MAP3K1: variants seen among roughly 807,000 people sequenced by gnomAD.
MAP3K1 encodes the protein mitogen-activated protein kinase kinase kinase 1.
MAP3K1 carries 36 observed loss-of-function variants against 144.2 expected under a neutral mutation model. That is an observed-to-expected ratio of 0.25 (90% CI 0.19 to 0.33). The LOEUF is 0.33. Ranked by LOEUF, MAP3K1 falls within the 10% of genes least tolerant of loss-of-function variation. The pLI is 1.00. For missense variants in MAP3K1, 1,650 were observed against 1,881.9 expected (o/e 0.88, Z 2.28); for synonymous variants, 718 against 688.7 (o/e 1.04, Z -0.67).
chr5:56,839,191 C>T (rs1383750134), intron 1 of MAP3K1, among the ~76,000 whole-genome samples: 1 of 152,182 alleles, frequency 6.6e-6, no homozygotes, highest in Non-Finnish European at 1.5e-5. Flanking sequence ...AGGTTGAGTA[C>T]ATGAACAGCA....
intron 1 of MAP3K1, among the ~76,000 whole-genome samples, chr5:56,822,231 G>C (rs1271549417): frequency 6.6e-6 from 1 of 151,982 alleles, no homozygotes; most frequent in Non-Finnish European, 1.5e-5. Flanking sequence ...CACCATGTTG[G>C]CCAGGCTGGT....
chr5:56,817,066 GC>G, intron 1 of MAP3K1: 6 of 985,422 alleles, frequency 6.1e-6, no homozygotes, highest in Non-Finnish European at 6.0e-6. Flanking sequence ...AGTGCGGTGG[GC>G]TTCGGCTCAG....
At chr5:56,891,149 C>G (rs758411420) in intron 19 of MAP3K1, among the ~76,000 whole-genome samples, 343 of 7,492 alleles carry the variant, frequency 0.046, no homozygotes, top group Non-Finnish European at 0.14. Context: ...CACACACACA[C>G]CCCCCCCCCC....
rs1340170744 is a variant in MAP3K1, at chr5:56,859,735, T to C, written c.654T>C (p.Val218=). ...TTCAGGTGGTAAAACCAATCCCAGTTAAAGGAGATGGATCTGAAATGAATC... is the reference window on the plus strand; with the variant it reads ...TTCAGGTGGTAAAACCAATCCCAGTCAAAGGAGATGGATCTGAAATGAATC... ...RGPVVVKPIP[V]KGDGSEMNHL... Residue 218 remains valine (V), a synonymous_variant, in exon 3 of 20, where the codon GTT becomes GTC. Transcript: ENST00000399503. 8 of 1,613,828 alleles carry C rather than the reference T, an allele frequency of 5.0e-6. No homozygotes were observed. Among genetic ancestry groups the C allele is most frequent in the Non-Finnish European group, 5.9e-6 (7 of 1,179,954 alleles).
chr5:56,830,400 T>A (rs1746450596), intron 1 of MAP3K1, among the ~76,000 whole-genome samples: 1 of 152,134 alleles, frequency 6.6e-6, no homozygotes, highest in South Asian at 2.1e-4. Context: ...CCTCTCTCTT[T>A]CTTAAACACA....
intron 1 of MAP3K1, among the ~76,000 whole-genome samples, chr5:56,832,199 C>T (rs1463749478): frequency 1.3e-5 from 2 of 151,960 alleles, no homozygotes; most frequent in Non-Finnish European, 2.9e-5. Flanking sequence ...AAAAACCTAC[C>T]CTTTCAGAAG....
At chr5:56,862,527 C>T (rs1471510864) in intron 3 of MAP3K1, among the ~76,000 whole-genome samples, 1 of 152,142 alleles carries the variant, frequency 6.6e-6, no homozygotes, top group Non-Finnish European at 1.5e-5. Context: ...GACAAAGTTA[C>T]CCCTCATTCT....
chr5:56,851,569 T>C (rs1251809470), intron 1 of MAP3K1, among the ~76,000 whole-genome samples: 1 of 152,164 alleles, frequency 6.6e-6, no homozygotes, highest in African/African-American at 2.4e-5. Context: ...CTCTCTCTTC[T>C]CCCTTATTTC....
chr5:56,890,128 T>C (rs1748505348), intron 19 of MAP3K1, among the ~76,000 whole-genome samples: 1 of 152,224 alleles, frequency 6.6e-6, no homozygotes, highest in South Asian at 2.1e-4. Context: ...GTTCCTATCT[T>C]GCTGCCTCTT....
intron 19 of MAP3K1, among the ~76,000 whole-genome samples, chr5:56,889,980 G>A (rs1748500273): frequency 6.6e-6 from 1 of 151,998 alleles, no homozygotes; most frequent in Admixed American, 6.6e-5. Flanking sequence ...TTCTCTACGT[G>A]GTTCAAATTC....
chr5:56,832,719 AATT>A (rs1385342883), intron 1 of MAP3K1, among the ~76,000 whole-genome samples: 5 of 152,168 alleles, frequency 3.3e-5, no homozygotes, highest in Admixed American at 3.3e-4. Flanking sequence ...ATCTTGGAAA[AATT>A]ATTCATTTCT....
intron 6 of MAP3K1, among the ~76,000 whole-genome samples, chr5:56,866,871 C>T (rs995351826): frequency 6.6e-6 from 1 of 152,074 alleles, no homozygotes; most frequent in Admixed American, 6.5e-5. Context: ...TAGAGTTTTA[C>T]GAGTTTTTAG....
At chr5:56,856,125 C>T (rs1404824602) in intron 1 of MAP3K1, among the ~76,000 whole-genome samples, 1 of 152,104 alleles carries the variant, frequency 6.6e-6, no homozygotes, top group African/African-American at 2.4e-5. Flanking sequence ...ATCATGTAGG[C>T]TATGAAAAAT....
chr5:56,873,115 T>C, intron 9 of MAP3K1, 110 bp downstream of exon 9: 1 of 1,002,038 alleles, frequency 1.0e-6, no homozygotes, highest in Non-Finnish European at 1.5e-6. Context: ...TTTACTTGCC[T>C]CCATCATGAC....
intron 1 of MAP3K1, among the ~76,000 whole-genome samples, chr5:56,855,043 A>G (rs544724703): frequency 4.6e-5 from 7 of 152,260 alleles, no homozygotes; most frequent in African/African-American, 1.7e-4. Flanking sequence ...ACTGAGCAGG[A>G]TGGACTTTTT....
At chr5:56,857,902 C>T (rs1012844174) in intron 2 of MAP3K1, among the ~76,000 whole-genome samples, 10 of 152,166 alleles carry the variant, frequency 6.6e-5, no homozygotes, top group Admixed American at 2.6e-4. Context: ...CAGAATAAAT[C>T]TAATTGTTCC....
intron 19 of MAP3K1, among the ~76,000 whole-genome samples, chr5:56,890,497 T>G (rs552936431): frequency 1.6e-4 from 25 of 152,232 alleles, no homozygotes; most frequent in Admixed American, 1.2e-3. Context: ...CCATAGCACG[T>G]TTTTTTAGAG....
chr5:56,865,702 T>C, intron 5 of MAP3K1, 127 bp from the exon 6 acceptor site: 1 of 1,046,506 alleles, frequency 9.6e-7, no homozygotes, highest in Non-Finnish European at 1.5e-6. Context: ...GTGTTCTTAT[T>C]TTTGAAGCTC....
At chr5:56,884,468 T>C (rs1436511344) in intron 15 of MAP3K1, among the ~76,000 whole-genome samples, 196 bp from the exon 16 acceptor site, 1 of 152,246 alleles carries the variant, frequency 6.6e-6, no homozygotes, top group Non-Finnish European at 1.5e-5. Context: ...TTTTGTCATT[T>C]TTCTGATGTT....
Sources: allele counts gnomAD v4.1 joint callset (sites outside exome capture counted in the v4.1 genomes callset), GRCh38; gene constraint gnomAD v4.1.1; transcripts MANE v1.5; gene names NCBI Gene and HGNC (gene_info 2026-07-23, HGNC 2026-07-21).